The following PTPRQ variants were observed in gnomAD, a reference collection of about 807,000 sequenced individuals.
PTPRQ encodes the protein phosphatidylinositol phosphatase PTPRQ.
In PTPRQ, 199 loss-of-function variants were observed where a neutral mutation model predicts 246.0. The observed-to-expected ratio is 0.81, with a 90% CI of 0.72 to 0.91. The LOEUF (loss-of-function observed/expected upper bound fraction) is 0.91, where lower values mean the gene tolerates loss of function less well. Among genes scored for constraint, PTPRQ ranks in the 40% least tolerant of loss-of-function variants. The pLI is 0.00. For synonymous variants in PTPRQ, 869 were observed against 853.2 expected, an observed-to-expected ratio of 1.02 and a Z score of -0.32; for missense variants, 2,624 against 2,528.4, an observed-to-expected ratio of 1.04 and a Z score of -0.81.
chr12:80,491,731 C>T (rs1191306106), intron 9 of PTPRQ, among the ~76,000 whole-genome samples: 2 of 151,766 alleles, frequency 1.3e-5, no homozygotes, highest in Non-Finnish European at 2.9e-5. Flanking sequence ...AACTGAAATG[C>T]CATAAAATTT....
intron 17 of PTPRQ, among the ~76,000 whole-genome samples, chr12:80,526,956 C>T (rs954257481): frequency 6.6e-6 from 1 of 151,986 alleles, no homozygotes; most frequent in African/African-American, 2.4e-5. Context: ...TTTTTCCAAC[C>T]TTTAGAGCTT....
chr12:80,540,511 A>T (rs1159791077), intron 20 of PTPRQ, among the ~76,000 whole-genome samples: 5 of 152,088 alleles, frequency 3.3e-5, no homozygotes, highest in Non-Finnish European at 5.9e-5. Flanking sequence ...TGATAAGTGG[A>T]TCATTGCCTA....
intron 17 of PTPRQ, among the ~76,000 whole-genome samples, chr12:80,514,815 A>G (rs989820742): frequency 6.8e-6 from 1 of 146,802 alleles, no homozygotes; most frequent in Non-Finnish European, 1.5e-5. Context: ...TATTTCTGCA[A>G]TAAGAATAGT....
At chr12:80,488,303 T>C (rs1894343596) in intron 9 of PTPRQ, among the ~76,000 whole-genome samples, 1 of 151,964 alleles carries the variant, frequency 6.6e-6, no homozygotes, top group Non-Finnish European at 1.5e-5. Flanking sequence ...GTATAGTGGG[T>C]ATCTACCTGA....
intron 43 of PTPRQ, among the ~76,000 whole-genome samples, chr12:80,676,819 A>T (rs1327835845): frequency 1.3e-5 from 2 of 152,144 alleles, no homozygotes; most frequent in Non-Finnish European, 2.9e-5. Context: ...AAAAGTCAAC[A>T]TATTTTGGAT....
At chr12:80,513,242 T>C (rs548233597) in intron 17 of PTPRQ, among the ~76,000 whole-genome samples, 1 of 152,142 alleles carries the variant, frequency 6.6e-6, no homozygotes, top group Non-Finnish European at 1.5e-5. Context: ...GAGATAACTC[T>C]CAGCAGAGGG....
intron 25 of PTPRQ, chr12:80,583,916 T>C (rs1897528855): frequency 6.6e-6 from 1 of 152,198 alleles, no homozygotes; most frequent in Admixed American, 6.5e-5. Context: ...AGCTAAGGGC[T>C]TCTCTCAGCT....
intron 17 of PTPRQ, among the ~76,000 whole-genome samples, chr12:80,515,447 G>T (rs1338647950): frequency 6.6e-6 from 1 of 150,994 alleles, no homozygotes; most frequent in Non-Finnish European, 1.5e-5. Context: ...TTGAGAGGGG[G>T]TCTCGCTCTG....
At chr12:80,498,789 T>C (rs1024966495) in intron 14 of PTPRQ, among the ~76,000 whole-genome samples, 1 of 152,098 alleles carries the variant, frequency 6.6e-6, no homozygotes, top group East Asian at 1.9e-4. Flanking sequence ...TATCAAGTAT[T>C]TCGTTTAAGT....
chr12:80,593,998 A>AT (rs1273732584), intron 26 of PTPRQ, among the ~76,000 whole-genome samples: 4 of 152,210 alleles, frequency 2.6e-5, no homozygotes, highest in Admixed American at 6.5e-5. Flanking sequence ...CTCATGAGGA[A>AT]TTTTAACTAC....
rs1464137994 is a variant in PTPRQ, at chr12:80,482,510, A to C, written c.1187-1923A>C. On this transcript the variant is annotated intron_variant, in intron 8 of 44. Transcript: ENST00000644991. ...ACACCAAAAGCAATGGCAACAAAAGACAAAATTGACAAATGGGATCTAATT... is the reference window on the plus strand; with the variant it reads ...ACACCAAAAGCAATGGCAACAAAAGCCAAAATTGACAAATGGGATCTAATT... Among the ~76,000 whole-genome samples, 725 of 149,398 alleles carry C rather than the reference A, an allele frequency of 4.9e-3. 11 individuals carry two copies. Among genetic ancestry groups the C allele is most frequent in the African/African-American group, 0.017 (647 of 39,166 alleles).
chr12:80,617,547 T>C (rs368145194), intron 30 of PTPRQ, among the ~76,000 whole-genome samples: 1 of 151,372 alleles, frequency 6.6e-6, no homozygotes, highest in African/African-American at 2.4e-5. Flanking sequence ...CGTGTAGGTG[T>C]ACAGATAGCA....
intron 8 of PTPRQ, among the ~76,000 whole-genome samples, chr12:80,475,743 C>T (rs7972276): frequency 0.31 from 47,223 of 151,672 alleles, 9,001 homozygotes; most frequent in African/African-American, 0.54. Context: ...TAATCTTTAC[C>T]TGGATTGTAA....
Position 80,459,483 on chromosome 12 carries a change from T to C in PTPRQ, c.660T>C (p.Asn220=). The C allele has an allele frequency of 2.5e-6, 1 of 398,404 alleles. No homozygotes were observed. The highest frequency in any genetic ancestry group is 4.4e-6 in the Non-Finnish European group (1 of 225,916). 24.7% of individuals were successfully genotyped at this position (398,404 alleles called of 1,614,324 possible). A position where few individuals can be genotyped will look rare whatever the true frequency, so the allele number is the denominator to read the frequency against. The change falls in exon 5 of 45, where the codon AAT becomes AAC. Residue 220 remains asparagine, a splice_region_variant and synonymous_variant. Coordinates refer to ENST00000644991, the MANE Select transcript of PTPRQ (RefSeq NM_001145026.2). ...TGACTGGGAAATTGCCAGAATGCAA[T>C]GTAAGTATCACAGAACACTTTCTAT... is the stretch of plus-strand genomic sequence containing the variant. ...DILTGKLPEC[N]ENSESFLWST...
At chr12:80,521,386 T>A (rs1190641351) in intron 17 of PTPRQ, among the ~76,000 whole-genome samples, 5 of 152,332 alleles carry the variant, frequency 3.3e-5, no homozygotes, top group African/African-American at 1.2e-4. Context: ...ATTTGTCAAT[T>A]TTGGCTTTGG....
At chr12:80,659,983 C>T (rs754370879) in intron 39 of PTPRQ, among the ~76,000 whole-genome samples, 7 of 151,920 alleles carry the variant, frequency 4.6e-5, no homozygotes, top group Non-Finnish European at 7.4e-5. Flanking sequence ...CTGCAGTGGC[C>T]CTCACTTTCC....
intron 35 of PTPRQ, among the ~76,000 whole-genome samples, chr12:80,641,851 TTCTCTCTCTCTCAC>T (rs1305267036): frequency 1.3e-5 from 2 of 149,824 alleles, no homozygotes; most frequent in Non-Finnish European, 3.0e-5. Flanking sequence ...CCTTCTCTCT[TTCTCTCTCTCTCAC>T]TCTCTCTCTC....
Position 80,496,305 on chromosome 12 carries a change from A to G in PTPRQ, c.2046A>G (p.Ile682Met). The G allele has an allele frequency of 3.2e-6, 5 of 1,550,736 alleles. No individual in the cohort carries two copies. The highest frequency in any genetic ancestry group is 3.5e-6 in the Non-Finnish European group (4 of 1,146,440). ...TAATTGATGTTACCGCAGATGAAAT[A>G]AGGTTGAAGTGGTCACCACCCGAAA... ...VEVIDVTADEIRLKWSPPEKP... is the reference protein window; with the variant it reads ...VEVIDVTADEMRLKWSPPEKP... Residue 682 changes from isoleucine (I) to methionine (M), a missense_variant, in exon 14 of 45, where the codon ATA becomes ATG. Transcript: ENST00000644991.
rs768339565 is a variant in PTPRQ at position 80,668,996 on chromosome 12, T to C, written c.6193-11T>C. ...CACAGTGATGCAGTGTTTGTAATTA[T>C]ATCCTTCTAGGGTTATTTATGTCCA... On this transcript the variant is annotated splice_polypyrimidine_tract_variant and intron_variant, in intron 39 of 44. Coordinates refer to ENST00000644991, the MANE Select transcript of PTPRQ (RefSeq NM_001145026.2). 3 of 1,545,162 alleles carry C rather than the reference T, an allele frequency of 1.9e-6. No homozygotes were observed. Among genetic ancestry groups the C allele is most frequent in the Non-Finnish European group, 2.6e-6 (3 of 1,143,502 alleles).
Sources: allele counts gnomAD v4.1 joint callset (sites outside exome capture counted in the v4.1 genomes callset), GRCh38; gene constraint gnomAD v4.1.1; transcripts MANE v1.5; gene names NCBI Gene and HGNC (gene_info 2026-07-23, HGNC 2026-07-21).